The following CYP4Z1 variants were observed in gnomAD, a reference collection of about 807,000 sequenced individuals.
CYP4Z1 encodes cytochrome P450 4Z1.
CYP4Z1 carries 41 observed loss-of-function variants against 54.2 expected under a neutral mutation model. That is an observed-to-expected ratio of 0.76 (90% CI 0.59 to 0.98). The LOEUF is 0.98. Among genes scored for constraint, CYP4Z1 ranks in the 50% least tolerant of loss-of-function variants. CYP4Z1 has a pLI of 0.00. For missense variants in CYP4Z1, 513 were observed against 599.0 expected, an observed-to-expected ratio of 0.86 and a Z score of 1.50; for synonymous variants, 163 against 206.2, an observed-to-expected ratio of 0.79 and a Z score of 1.79.
At chr1:47,064,566 C>A (rs1644440197), upstream of CYP4Z1, among the ~76,000 whole-genome samples, 1 of 152,002 alleles carries the variant, frequency 6.6e-6, no homozygotes, top group Non-Finnish European at 1.5e-5. Context: ...GAAACAAATT[C>A]TCAAAATACA....
upstream of CYP4Z1, among the ~76,000 whole-genome samples, chr1:47,067,191 T>G (rs992433346): frequency 1.2e-4 from 18 of 152,128 alleles, no homozygotes; most frequent in Admixed American, 2.0e-4. Flanking sequence ...GATGGGAACT[T>G]TTAGATTCTG....
intron 6 of CYP4Z1, among the ~76,000 whole-genome samples, chr1:47,092,491 A>G (rs1287337190): frequency 6.6e-6 from 1 of 151,046 alleles, no homozygotes; most frequent in Admixed American, 6.6e-5. Context: ...TCTTACAGAC[A>G]GTTTAGAGTA....
chr1:47,094,686 T>C lies in CYP4Z1; in HGVS notation c.876+17T>C. The C allele has an allele frequency of 6.3e-7, 1 of 1,579,388 alleles. No individual in the cohort carries two copies. The highest frequency in any genetic ancestry group is 8.7e-7 in the Non-Finnish European group (1 of 1,153,112). ...AGTGCCAAAGTAAGTCTTCTAAACT[T>C]CTGAACACATTCGACTCAATAATTA... is the stretch of plus-strand genomic sequence containing the variant. On this transcript the variant is annotated intron_variant, in intron 7 of 11. Transcript: ENST00000334194.
chr1:47,058,996 C>T, the CYP4Z1 span, among the ~76,000 whole-genome samples: 1 of 151,494 alleles, frequency 6.6e-6, no homozygotes, highest in Non-Finnish European at 1.5e-5. Context: ...ATGTATTTGC[C>T]CAACTTATAA....
At chr1:47,108,599 T>C (rs1057368409) in intron 9 of CYP4Z1, among the ~76,000 whole-genome samples, 1 of 152,204 alleles carries the variant, frequency 6.6e-6, no homozygotes, top group Non-Finnish European at 1.5e-5. Context: ...CCTGTGCCTG[T>C]GCCATGGTCC....
the CYP4Z1 span, among the ~76,000 whole-genome samples, chr1:47,060,546 G>C: frequency 3.9e-3 from 588 of 152,286 alleles, 2 homozygotes; most frequent in Middle Eastern, 0.014. Flanking sequence ...GGAGCACCTG[G>C]ATTCATAAAG....
chr1:47,083,827 A>G (rs1644572720), intron 4 of CYP4Z1, among the ~76,000 whole-genome samples: 1 of 150,512 alleles, frequency 6.6e-6, no homozygotes, highest in African/African-American at 2.5e-5. Context: ...AACAGACACC[A>G]CCCCCATTAT....
At chr1:47,064,206 C>T (rs1644438610), upstream of CYP4Z1, among the ~76,000 whole-genome samples, 1 of 151,718 alleles carries the variant, frequency 6.6e-6, no homozygotes, top group African/African-American at 2.4e-5. Context: ...CCTCAGCCTC[C>T]TGAGTAGCTG....
chr1:47,095,127 TTGTC>T, intron 7 of CYP4Z1, among the ~76,000 whole-genome samples: 1 of 152,318 alleles, frequency 6.6e-6, no homozygotes, highest in South Asian at 2.1e-4. Flanking sequence ...ATCTGGGCAC[TTGTC>T]TGTCTTTTTC....
Position 47,106,838 on chromosome 1 carries a change from G to A in CYP4Z1, c.1201+577G>A, listed in dbSNP as rs1569752446. Among the ~76,000 whole-genome samples the A allele has an allele frequency of 2.0e-5, 3 of 152,196 alleles. No homozygotes were observed. The East Asian group carries it at 5.8e-4, about 29-fold the overall frequency. On this transcript the variant is annotated intron_variant, in intron 9 of 11. Coordinates refer to ENST00000334194, the MANE Select transcript of CYP4Z1 (RefSeq NM_178134.3). ...GTCTAAGCTGGGTGGCATGATTATA[G>A]TTATTTTTTAGAAAGATTAATACAT... is the stretch of plus-strand genomic sequence containing the variant.
At chr1:47,111,862 A>G (rs1644794139) in intron 9 of CYP4Z1, among the ~76,000 whole-genome samples, 2 of 152,238 alleles carry the variant, frequency 1.3e-5, no homozygotes, top group African/African-American at 2.4e-5. Context: ...TTTTTGTTTA[A>G]TCCATTAAAA....
At chr1:47,068,803 A>T in intron 2 of CYP4Z1, 40 bp downstream of exon 2, 2 of 1,604,120 alleles carry the variant, frequency 1.2e-6, no homozygotes, top group Non-Finnish European at 1.7e-6. Context: ...AGCAGCAACA[A>T]AGAGGGTCTC....
intron 8 of CYP4Z1, among the ~76,000 whole-genome samples, chr1:47,101,956 A>G (rs1644725053): frequency 6.6e-6 from 1 of 152,150 alleles, no homozygotes; most frequent in African/African-American, 2.4e-5. Flanking sequence ...TTGGATGCAT[A>G]CATGTTTAGA....
chr1:47,090,163 T>C (rs1644628975), intron 6 of CYP4Z1, among the ~76,000 whole-genome samples: 1 of 152,248 alleles, frequency 6.6e-6, no homozygotes, highest in Non-Finnish European at 1.5e-5. Context: ...TAGCTTAAAG[T>C]GGATTATATT....
intron 9 of CYP4Z1, among the ~76,000 whole-genome samples, chr1:47,113,501 A>G (rs1644807808): frequency 6.6e-6 from 1 of 152,200 alleles, no homozygotes; most frequent in Non-Finnish European, 1.5e-5. Flanking sequence ...CACAGCACCC[A>G]TTTAAGTGTC....
At chr1:47,064,375 C>G (rs1644439459), upstream of CYP4Z1, among the ~76,000 whole-genome samples, 1 of 152,036 alleles carries the variant, frequency 6.6e-6, no homozygotes, top group South Asian at 2.1e-4. Flanking sequence ...GCCACAGTGC[C>G]CAGCCTAGGG....
At position 47,068,642 on chromosome 1, in the gene CYP4Z1, TGA is replaced by T. The variant is rs747940981; in HGVS notation, c.200_201del (p.Glu67GlyfsTer4). 6 of 1,613,868 alleles carry T rather than the reference TGA, an allele frequency of 3.7e-6. No individual in the cohort carries two copies. Among genetic ancestry groups the T allele is most frequent in the Non-Finnish European group, 5.1e-6 (6 of 1,179,746 alleles). ...HKEFYPVKEF[E>X]VYHKLMEKYP... The stretch of plus-strand genomic sequence containing the variant: ...GACAGTTTTACCCAGTAAAGGAGTT[TGA>T]GGTGTATCATAAGCTGATGGAAAAA... On this transcript the variant is annotated frameshift_variant, in exon 2 of 12. Coordinates refer to ENST00000334194, the MANE Select transcript of CYP4Z1 (RefSeq NM_178134.3). LOFTEE classifies it high-confidence loss of function.
chr1:47,098,156 A>G (rs1201406892), intron 7 of CYP4Z1, among the ~76,000 whole-genome samples: 1 of 152,184 alleles, frequency 6.6e-6, no homozygotes, highest in Non-Finnish European at 1.5e-5. Context: ...TCTATGAAGA[A>G]TCTCAATAGT....
At chr1:47,106,523 A>C (rs1644758948) in intron 9 of CYP4Z1, among the ~76,000 whole-genome samples, 1 of 152,070 alleles carries the variant, frequency 6.6e-6, no homozygotes, top group African/African-American at 2.4e-5. Flanking sequence ...CACGGCTTTA[A>C]TGCTGAAACT....
Sources: allele counts gnomAD v4.1 joint callset (sites outside exome capture counted in the v4.1 genomes callset), GRCh38; gene constraint gnomAD v4.1.1; transcripts MANE v1.5; gene names NCBI Gene and HGNC (gene_info 2026-07-23, HGNC 2026-07-21).